FBXW9: variants seen among roughly 807,000 people sequenced by gnomAD.
FBXW9 encodes the protein F-box and WD repeat domain containing 9, also known as F-box/WD repeat-containing protein 9.
FBXW9 carries 38 observed loss-of-function variants against 55.8 expected under a neutral mutation model. The ratio of observed to expected loss-of-function variants is 0.68; its 90% CI spans 0.53 to 0.89. FBXW9 has a LOEUF of 0.89. Among genes scored for constraint, FBXW9 ranks in the 40% least tolerant of loss-of-function variants. FBXW9 has a pLI of 0.00. For missense variants in FBXW9, 590 were observed against 619.4 expected (o/e 0.95, Z 0.50); for synonymous variants, 289 against 278.2 (o/e 1.04, Z -0.38).
At position 12,689,994 on chromosome 19, in the gene FBXW9, G is replaced by T. The variant is rs780702692; in HGVS notation, c.1000C>A (p.Arg334Ser). The T allele has an allele frequency of 1.2e-6, 2 of 1,613,836 alleles. No individual in the cohort carries two copies. Among genetic ancestry groups the T allele is most frequent in the Admixed American group, 3.3e-5 (2 of 60,016 alleles). The change falls in exon 6 of 10, where the codon CGC (arginine) becomes AGC (serine). Residue 334 changes from arginine (R) to serine (S), a missense_variant. Physicochemically the swap from Arg to Ser is moderately radical, Grantham distance 110. Coordinates refer to ENST00000393261, the MANE Select transcript of FBXW9 (RefSeq NM_032301.3). This position sits in a 1 kb window ranked among gnomAD's most constrained non-coding sequence, Gnocchi z 5.9. ...CGCTGCAGGACGCTGTTGGCTCGGC[G>T]GTCCACCACCACCAGGGTGTGGTCC... is the stretch of plus-strand genomic sequence containing the variant. ...SEDHTLVVVD[R>S]RANSVLQRLQ...
chr19:12,696,411 G>A lies in FBXW9; in HGVS notation c.171C>T (p.Ala57=). The stretch of plus-strand genomic sequence containing the variant: ...GAGGCTCCGAAGCGCTCGGGGACGC[G>A]GCGGGTGTGGATAGCTGCGAGGGGC... ...FSRPSQLSTP[A]ASPSASEPRA... is the part of the protein sequence containing the mutation. Residue 57 remains alanine, a synonymous_variant, in exon 1 of 10, where the codon GCC becomes GCT. Coordinates refer to ENST00000393261, the MANE Select transcript of FBXW9 (RefSeq NM_032301.3). 1 of 1,611,500 alleles carries A rather than the reference G, an allele frequency of 6.2e-7. No individual in the cohort carries two copies. Among genetic ancestry groups the A allele is most frequent in the Non-Finnish European group, 8.5e-7 (1 of 1,179,560 alleles).
At chr19:12,696,142 C>G in intron 1 of FBXW9, 31 bp downstream of exon 1, 1 of 1,457,036 alleles carries the variant, frequency 6.9e-7, no homozygotes, top group Non-Finnish European at 9.1e-7. Context: ...GCGCCCCCGG[C>G]CCCCGGTCCC....
chr19:12,696,160 C>A lies in FBXW9; in HGVS notation c.409+13G>T. On this transcript the variant is annotated intron_variant, in intron 1 of 9. Transcript: ENST00000393261. ...CCCCCGGCCCCCGGTCCCCGGCCCC[C>A]GGCCCCGCGCACCTTCCACCACTGG... The A allele has an allele frequency of 2.6e-6, 4 of 1,510,398 alleles. No individual in the cohort carries two copies. Among genetic ancestry groups the A allele is most frequent in the South Asian group, 2.5e-5 (2 of 80,184 alleles). The allele number at this position is 1,510,398 out of a possible 1,614,324, so 93.6% of individuals were successfully genotyped here.
Position 12,689,158 on chromosome 19 carries a change from A to G in FBXW9, c.*58T>C. On this transcript the variant is annotated 3_prime_UTR_variant, in exon 10 of 10. Coordinates refer to ENST00000393261, the MANE Select transcript of FBXW9 (RefSeq NM_032301.3). The surrounding 1 kb of genome is among the most constrained non-coding windows in gnomAD (Gnocchi z 5.9). ...CACCAACATTGGGGATGGTCCCCCA[A>G]GAACAGAGGAGGAAGCCCAGCCTCC... is the stretch of plus-strand genomic sequence containing the variant. 3 of 1,332,498 alleles carry G rather than the reference A, an allele frequency of 2.3e-6. No homozygotes were observed. The highest frequency in any genetic ancestry group is 3.2e-6 in the Non-Finnish European group (3 of 923,822). 82.5% of individuals were successfully genotyped at this position (1,332,498 alleles called of 1,614,324 possible).
chr19:12,696,274 A>G lies in FBXW9; in HGVS notation c.308T>C (p.Leu103Pro). The change falls in exon 1 of 10, where the codon CTG (leucine) becomes CCG (proline). Residue 103 changes from leucine to proline, a missense_variant. Coordinates refer to ENST00000393261, the MANE Select transcript of FBXW9 (RefSeq NM_032301.3). ...GCGGAGCGCGTGGCACACCCGCGAC[A>G]GGACGTGGAGCACGAGGCGGGCGTC... ...YLDARLVLHV[L>P]SRVCHALRDL... 6.4e-7 allele frequency: 1 copy of G among 1,573,594 alleles called. No homozygotes were observed. The highest frequency in any genetic ancestry group is 8.6e-7 in the Non-Finnish European group (1 of 1,160,084).
chr19:12,693,017 T>C (rs909932901), intron 3 of FBXW9, among the ~76,000 whole-genome samples: 2 of 152,170 alleles, frequency 1.3e-5, no homozygotes, highest in Admixed American at 6.5e-5. Context: ...CACAGGGTGC[T>C]GAATGCTGAC....
intron 5 of FBXW9, 35 bp downstream of exon 5, chr19:12,691,131 A>G (rs781719845): frequency 1.3e-6 from 2 of 1,571,424 alleles, no homozygotes; most frequent in East Asian, 2.2e-5. Context: ...CTAACATGAC[A>G]TCTCCCAACC....
intron 5 of FBXW9, among the ~76,000 whole-genome samples, chr19:12,690,893 G>A (rs1306850698): frequency 6.6e-6 from 1 of 152,166 alleles, no homozygotes; most frequent in Non-Finnish European, 1.5e-5. Flanking sequence ...ATTATTATCT[G>A]GATTTCAAAG....
In FBXW9 at chr19:12,696,184, G is replaced by A. The variant is rs1302150882; in HGVS notation, c.398C>T (p.Pro133Leu). 1.9e-6 allele frequency: 3 copies of A among 1,541,144 alleles called. No individual in the cohort carries two copies. Among genetic ancestry groups the A allele is most frequent in the African/African-American group, 2.7e-5 (2 of 72,936 alleles). The change falls in exon 1 of 10, where the codon CCA (proline) becomes CTA (leucine). Residue 133 changes from proline to leucine, a missense_variant. Coordinates refer to ENST00000393261, the MANE Select transcript of FBXW9 (RefSeq NM_032301.3). ...CCGGCCCCGCGCACCTTCCACCACTGGGTAGGGCGCGCGTACGCGGCGTAG... is the reference window on the plus strand; with the variant it reads ...CCGGCCCCGCGCACCTTCCACCACTAGGTAGGGCGCGCGTACGCGGCGTAG... ...RALRRVRAPY[P>L]VVEEKNFDWP...
At chr19:12,691,936 A>G (rs548954914) in intron 3 of FBXW9, among the ~76,000 whole-genome samples, 1 of 151,884 alleles carries the variant, frequency 6.6e-6, no homozygotes, top group Non-Finnish European at 1.5e-5. Flanking sequence ...TTGTATTATT[A>G]GTAGAGACGG....
chr19:12,695,469 T>A (rs753534530), intron 1 of FBXW9, among the ~76,000 whole-genome samples: 3 of 152,088 alleles, frequency 2.0e-5, no homozygotes, highest in African/African-American at 4.8e-5. Flanking sequence ...GACCTGGGGG[T>A]TGGATGGCAA....
chr19:12,692,639 G>A (rs921798726), intron 3 of FBXW9, among the ~76,000 whole-genome samples: 4 of 151,222 alleles, frequency 2.6e-5, no homozygotes, highest in Admixed American at 6.6e-5. Flanking sequence ...CTCCTGCCTC[G>A]GCCTCCCGAG....
In FBXW9 at chr19:12,689,014, C is replaced by A. The variant is rs1338559846; in HGVS notation, c.*202G>T. On this transcript the variant is annotated 3_prime_UTR_variant, in exon 10 of 10. Coordinates refer to ENST00000393261, the MANE Select transcript of FBXW9 (RefSeq NM_032301.3). The surrounding 1 kb of genome is among the most constrained non-coding windows in gnomAD (Gnocchi z 5.9). ...ACCAGGGCCCAAGAGTGGGAAGCGGCCCCCTGGGTGGGCCTGAACCCCAAT... is the reference window on the plus strand; with the variant it reads ...ACCAGGGCCCAAGAGTGGGAAGCGGACCCCTGGGTGGGCCTGAACCCCAAT... 1.3e-5 allele frequency: 9 copies of A among 698,986 alleles called. No homozygotes were observed. Among genetic ancestry groups the A allele is most frequent in the Non-Finnish European group, 2.3e-5 (9 of 383,216 alleles). 43.3% of individuals were successfully genotyped at this position (698,986 alleles called of 1,614,324 possible). A position where few individuals can be genotyped will look rare whatever the true frequency, so the allele number is the denominator to read the frequency against.
chr19:12,693,515 A>G (rs1173206505), intron 3 of FBXW9, among the ~76,000 whole-genome samples: 11 of 29,978 alleles, frequency 3.7e-4, no homozygotes, highest in African/African-American at 1.5e-3. Context: ...AAAAAAAAAA[A>G]AAAAAAAAAA....
In FBXW9 at chr19:12,689,993, C is replaced by A; in HGVS notation, c.1001G>T (p.Arg334Leu). 1 of 1,613,948 alleles carries A rather than the reference C, an allele frequency of 6.2e-7. No individual in the cohort carries two copies. The highest frequency in any genetic ancestry group is 8.5e-7 in the Non-Finnish European group (1 of 1,180,012). Residue 334 changes from arginine (R) to leucine (L), a missense_variant, in exon 6 of 10, where the codon CGC (arginine) becomes CTC (leucine). Arg to Leu is a moderately radical substitution (Grantham distance 102, BLOSUM62 -2). Transcript: ENST00000393261. This position sits in a 1 kb window ranked among gnomAD's most constrained non-coding sequence, Gnocchi z 5.9. ...ACGCTGCAGGACGCTGTTGGCTCGGCGGTCCACCACCACCAGGGTGTGGTC... is the reference window on the plus strand; with the variant it reads ...ACGCTGCAGGACGCTGTTGGCTCGGAGGTCCACCACCACCAGGGTGTGGTC... ...SEDHTLVVVD[R>L]RANSVLQRLQ...
At chr19:12,690,780 G>A (rs912711256) in intron 5 of FBXW9, among the ~76,000 whole-genome samples, 3 of 152,120 alleles carry the variant, frequency 2.0e-5, no homozygotes, top group Non-Finnish European at 2.9e-5. Context: ...GAGTAGCTGG[G>A]ACTACAGGTA....
rs2145414538 is a variant in FBXW9, at chr19:12,696,531, G to C, written c.51C>G (p.Asp17Glu). ...RCDDSRTWDD[D>E]SDPESETDPD... The stretch of plus-strand genomic sequence containing the variant: ...GGTCTGTCTCTGACTCTGGGTCCGA[G>C]TCATCGTCCCAGGTGCGGGAATCAT... Residue 17 changes from aspartate to glutamate, a missense_variant, in exon 1 of 10, where the codon GAC becomes GAG. Transcript: ENST00000393261. 1 of 1,612,638 alleles carries C rather than the reference G, an allele frequency of 6.2e-7. No homozygotes were observed. The highest frequency in any genetic ancestry group is 8.5e-7 in the Non-Finnish European group (1 of 1,179,990).
rs762052660 is a variant in FBXW9 at position 12,689,206 on chromosome 19, G to A, written c.*10C>T. The A allele has an allele frequency of 1.6e-5, 25 of 1,584,144 alleles. No individual in the cohort carries two copies. The highest frequency in any genetic ancestry group is 3.3e-5 in the South Asian group (3 of 90,480). On this transcript the variant is annotated 3_prime_UTR_variant, in exon 10 of 10. Transcript: ENST00000393261. This position sits in a 1 kb window ranked among gnomAD's most constrained non-coding sequence, Gnocchi z 5.9. ...TCCGGCAGGCAGTATCCACATCCACGCCCACCTGCTCAGGCCTGCAGCCTC... is the reference window on the plus strand; with the variant it reads ...TCCGGCAGGCAGTATCCACATCCACACCCACCTGCTCAGGCCTGCAGCCTC...
In FBXW9 at chr19:12,696,523, G is replaced by A; in HGVS notation, c.59C>T (p.Pro20Leu). ...DSRTWDDDSD[P>L]ESETDPDAQA... ...CGCGTCTGGGTCTGTCTCTGACTCT[G>A]GGTCCGAGTCATCGTCCCAGGTGCG... is the stretch of plus-strand genomic sequence containing the variant. Residue 20 changes from proline to leucine, a missense_variant, in exon 1 of 10, where the codon CCA becomes CTA. Transcript: ENST00000393261. The A allele has an allele frequency of 6.2e-7, 1 of 1,612,688 alleles. No individual in the cohort carries two copies. The highest frequency in any genetic ancestry group is 1.3e-5 in the African/African-American group (1 of 75,044).
Sources: gnomAD v4.1 joint callset for allele counts (sites outside exome capture counted in the v4.1 genomes callset) on GRCh38, gnomAD v4.1.1 for gene constraint, Gnocchi (gnomAD v3.1) non-coding constraint, MANE v1.5 for transcripts, NCBI Gene and HGNC (gene_info 2026-07-23, HGNC 2026-07-21) for gene names.